Variants in COL5A2 observed in about 807,000 individuals in gnomAD.
The protein encoded by COL5A2 is collagen type V alpha 2 chain.
Under a neutral mutation model 208.2 loss-of-function variants are expected in COL5A2, and 23 were observed. The observed-to-expected ratio is 0.11, with a 90% CI of 0.08 to 0.16. COL5A2 has a LOEUF of 0.16. Ranked by LOEUF, COL5A2 falls within the 10% of genes least tolerant of loss-of-function variation. COL5A2 has a pLI of 1.00. For synonymous variants in COL5A2, 625 were observed against 628.5 expected, an observed-to-expected ratio of 0.99 and a Z score of 0.08; for missense variants, 1,590 against 1,956.4, an observed-to-expected ratio of 0.81 and a Z score of 3.53.
chr2:189,374,308 C>T, the COL5A2 span, among the ~76,000 whole-genome samples: 1 of 144,606 alleles, frequency 6.9e-6, no homozygotes. Flanking sequence ...GTTAGATATC[C>T]TTTTTTTTTT....
chr2:189,102,081 T>G (rs59488585), intron 3 of COL5A2, among the ~76,000 whole-genome samples: 20,062 of 152,118 alleles, frequency 0.13, 1,349 homozygotes, highest in Middle Eastern at 0.19. Context: ...ACATAAATTT[T>G]TGTGCAATAA....
chr2:189,190,933 G>T (rs1314357845), intron 1 of COL5A2, among the ~76,000 whole-genome samples: 1 of 151,972 alleles, frequency 6.6e-6, no homozygotes, highest in Non-Finnish European at 1.5e-5. Context: ...GGTAATAGAC[G>T]CAATCACTGA....
At position 189,173,963 on chromosome 2, in the gene COL5A2, G is replaced by T. The variant is rs546202120; in HGVS notation, c.97+5545C>A. Reference sequence around the variant, plus strand: ...TTTTCAATGTTGTGATCTCAGAGAAGAAAATCCGATTAAAGATCAGTTGAT... The same window carrying T: ...TTTTCAATGTTGTGATCTCAGAGAATAAAATCCGATTAAAGATCAGTTGAT... On this transcript the variant is annotated intron_variant, in intron 1 of 53. Coordinates refer to ENST00000374866, the MANE Select transcript of COL5A2 (RefSeq NM_000393.5). Among the ~76,000 whole-genome samples, 9 of 152,204 alleles carry T rather than the reference G, an allele frequency of 5.9e-5. No homozygotes were observed. The East Asian group carries it at 1.7e-3, about 29-fold the overall frequency.
Position 189,047,946 on chromosome 2 carries a change from C to T in COL5A2, c.3201+263G>A, listed in dbSNP as rs10196855. Among the ~76,000 whole-genome samples the T allele has an allele frequency of 3.9e-3, 590 of 152,214 alleles. 2 individuals carry two copies. The highest frequency in any genetic ancestry group is 0.013 in the African/African-American group (540 of 41,528). On this transcript the variant is annotated intron_variant, in intron 45 of 53. Coordinates refer to ENST00000374866, the MANE Select transcript of COL5A2 (RefSeq NM_000393.5). ...AAATTTAGAACACTTCATATATATC[C>T]TCATCCAAAGCCTTTATGTTAAACC...
the COL5A2 span, among the ~76,000 whole-genome samples, chr2:189,245,639 C>T: frequency 5.9e-5 from 9 of 152,022 alleles, no homozygotes; most frequent in Non-Finnish European, 5.9e-5. Context: ...CACCTGCCAC[C>T]GTGCCTGGCT....
At chr2:189,149,855 T>A (rs192725656) in intron 1 of COL5A2, among the ~76,000 whole-genome samples, 77 of 152,204 alleles carry the variant, frequency 5.1e-4, no homozygotes, top group Admixed American at 1.5e-3. Context: ...CAAGTTTTTC[T>A]AGAGAAAATC....
the COL5A2 span, among the ~76,000 whole-genome samples, chr2:189,264,525 G>A: frequency 2.0e-5 from 3 of 152,222 alleles, no homozygotes; most frequent in African/African-American, 7.2e-5. Flanking sequence ...GTTTAGGGAT[G>A]CATACATGAT....
At chr2:189,048,675 TCTTC>T (rs1437767866) in intron 44 of COL5A2, among the ~76,000 whole-genome samples, 1 of 152,170 alleles carries the variant, frequency 6.6e-6, no homozygotes, top group Non-Finnish European at 1.5e-5. Flanking sequence ...TAAGAAATAG[TCTTC>T]CTTTTCTATT....
At chr2:189,201,854 C>T (rs1689071377) in intron 1 of COL5A2, among the ~76,000 whole-genome samples, 2 of 151,656 alleles carry the variant, frequency 1.3e-5, no homozygotes, top group African/African-American at 4.8e-5. Context: ...TCGGAAAAGA[C>T]ATCTGAGGTA....
the COL5A2 span, among the ~76,000 whole-genome samples, chr2:189,375,642 G>C: frequency 6.6e-6 from 1 of 152,114 alleles, no homozygotes; most frequent in African/African-American, 2.4e-5. Flanking sequence ...TAGAGTACAC[G>C]TATAGGTCTG....
the COL5A2 span, among the ~76,000 whole-genome samples, chr2:189,403,882 G>A: frequency 6.6e-6 from 1 of 152,042 alleles, no homozygotes; most frequent in African/African-American, 2.4e-5. Context: ...ACAGGCACGT[G>A]CCACCATGCC....
At chr2:189,417,757 G>C in the COL5A2 span, among the ~76,000 whole-genome samples, 1 of 151,676 alleles carries the variant, frequency 6.6e-6, no homozygotes, top group African/African-American at 2.4e-5. Flanking sequence ...CCATGTTGCT[G>C]CAAGTGACAG....
the COL5A2 span, among the ~76,000 whole-genome samples, chr2:189,280,987 C>T: frequency 6.6e-6 from 1 of 151,454 alleles, no homozygotes; most frequent in Admixed American, 6.6e-5. Context: ...GCAAAAACCA[C>T]AATAACTTTT....
the COL5A2 span, among the ~76,000 whole-genome samples, chr2:189,313,111 C>G: frequency 6.6e-6 from 1 of 151,820 alleles, no homozygotes. Context: ...GAAAGAATCT[C>G]AGAGCTTGAA....
At chr2:189,374,704 T>C in the COL5A2 span, among the ~76,000 whole-genome samples, 1 of 152,206 alleles carries the variant, frequency 6.6e-6, no homozygotes, top group African/African-American at 2.4e-5. Context: ...GTGAATATAC[T>C]GTTGCATCTT....
At chr2:189,428,802 AT>A in the COL5A2 span, among the ~76,000 whole-genome samples, 1 of 152,068 alleles carries the variant, frequency 6.6e-6, no homozygotes, top group African/African-American at 2.4e-5. Context: ...AATTAAACCT[AT>A]TTTCTTTATA....
the COL5A2 span, among the ~76,000 whole-genome samples, chr2:189,240,806 C>T: frequency 1.3e-5 from 2 of 152,134 alleles, no homozygotes; most frequent in African/African-American, 4.8e-5. Flanking sequence ...CTTACTTTAT[C>T]TCCAGGTTCT....
intron 1 of COL5A2, among the ~76,000 whole-genome samples, chr2:189,212,748 CAAAGG>C (rs1689231309): frequency 1.3e-5 from 2 of 150,832 alleles, no homozygotes; most frequent in Non-Finnish European, 3.0e-5. Context: ...GCAATAGAGA[CAAAGG>C]AAAGGCAAGA....
intron 46 of COL5A2, 80 bp downstream of exon 46, chr2:189,045,720 T>C (rs1481580308): frequency 1.9e-6 from 2 of 1,050,274 alleles, no homozygotes; most frequent in East Asian, 4.8e-5. Context: ...TGTATGACTA[T>C]GTGTGTGTGC....
Sources: allele counts gnomAD v4.1 joint callset (sites outside exome capture counted in the v4.1 genomes callset), GRCh38; gene constraint gnomAD v4.1.1; transcripts MANE v1.5; gene names NCBI Gene and HGNC (gene_info 2026-07-23, HGNC 2026-07-21).